Variants in DNM1L observed in about 807,000 individuals in gnomAD.
The protein encoded by DNM1L is dynamin 1L, also known as dynamin-1-like protein.
In DNM1L, 33 loss-of-function variants were observed where a neutral mutation model predicts 92.8. The ratio of observed to expected loss-of-function variants is 0.36; its 90% CI spans 0.27 to 0.48. DNM1L has a LOEUF of 0.48. Among genes scored for constraint, DNM1L ranks in the 20% least tolerant of loss-of-function variants. DNM1L has a pLI of 0.99. For missense variants in DNM1L, 485 were observed against 888.8 expected (o/e 0.55, Z 5.78); for synonymous variants, 284 against 305.0 (o/e 0.93, Z 0.72).
At position 32,744,739 on chromosome 12, in the gene DNM1L, A is replaced by G. The variant is rs1162958757; in HGVS notation, c.*1329A>G. The G allele has an allele frequency of 1.3e-5, 5 of 383,000 alleles. No homozygotes were observed. Among genetic ancestry groups the G allele is most frequent in the Non-Finnish European group, 2.5e-5 (5 of 199,684 alleles). 23.7% of individuals were successfully genotyped at this position (383,000 alleles called of 1,614,324 possible). On this transcript the variant is annotated 3_prime_UTR_variant, in exon 20 of 20. Coordinates refer to ENST00000549701, the MANE Select transcript of DNM1L (RefSeq NM_012062.5). ...AAAAAAAAAAAATAAAACAACACCC[A>G]GATAGATACACATACTCCTTCAGAC...
At chr12:32,708,313 A>G in intron 4 of DNM1L, 89 bp downstream of exon 4, 1 of 852,442 alleles carries the variant, frequency 1.2e-6, no homozygotes, top group Non-Finnish European at 1.9e-6. Flanking sequence ...GGCATTGTAA[A>G]TTCCTACTCT....
At chr12:32,712,558 G>T (rs1299241055) in intron 5 of DNM1L, among the ~76,000 whole-genome samples, 1 of 144,944 alleles carries the variant, frequency 6.9e-6, no homozygotes, top group African/African-American at 2.6e-5. Flanking sequence ...GCTGAGGCAG[G>T]AGGATCATTT....
chr12:32,731,318 T>A lies in DNM1L; in HGVS notation c.1201-38T>A, dbSNP rs529114359. The A allele has an allele frequency of 6.2e-7, 1 of 1,612,418 alleles. No homozygotes were observed. Among genetic ancestry groups the A allele is most frequent in the East Asian group, 2.2e-5 (1 of 44,870 alleles). On this transcript the variant is annotated intron_variant, in intron 10 of 19. Coordinates refer to ENST00000549701, the MANE Select transcript of DNM1L (RefSeq NM_012062.5). This position sits in a 1 kb window ranked among gnomAD's most constrained non-coding sequence, Gnocchi z 5.1. ...CTTAACCCTTGGGAAGAACTGAAAT[T>A]ACATATATAATAAGAGTTCTAAGTT...
At chr12:32,705,813 C>CT (rs754452301) in intron 2 of DNM1L, 1 of 1,597,266 alleles carries the variant, frequency 6.3e-7, no homozygotes, top group Non-Finnish European at 8.5e-7. Flanking sequence ...TGCTGTTTCT[C>CT]TTTAACTACA....
At chr12:32,727,539 C>A (rs554777312) in intron 9 of DNM1L, 43 of 558,478 alleles carry the variant, frequency 7.7e-5, no homozygotes, top group African/African-American at 1.9e-4. Flanking sequence ...GAAAAAAAAA[C>A]CACTCTTAAT....
chr12:32,715,735 A>G (rs933585128), intron 6 of DNM1L, among the ~76,000 whole-genome samples: 3 of 152,140 alleles, frequency 2.0e-5, no homozygotes, highest in Admixed American at 6.5e-5. Context: ...GTCTCAAAAA[A>G]AAAGAAAAAT....
At chr12:32,693,676 T>G (rs745950411) in intron 1 of DNM1L, among the ~76,000 whole-genome samples, 2 of 152,190 alleles carry the variant, frequency 1.3e-5, no homozygotes, top group Admixed American at 6.5e-5. Context: ...CTCACTCTCT[T>G]GCCCAGGCTG....
In DNM1L at chr12:32,702,212, C is replaced by T. The variant is rs1312195531; in HGVS notation, c.250+650C>T. ...TCACGCCACTGCACTCCAGCCTAGG[C>T]GACAGAGTGAGACTCCGTCTCAAAA... On this transcript the variant is annotated intron_variant, in intron 2 of 19. Coordinates refer to ENST00000549701, the MANE Select transcript of DNM1L (RefSeq NM_012062.5). 1.2e-4 allele frequency among the ~76,000 whole-genome samples: 15 copies of T among 125,702 alleles called. No homozygotes were observed. The East Asian group carries it at 2.4e-3, about 20-fold the overall frequency. 82.5% of individuals were successfully genotyped at this position (125,702 alleles called of 152,430 possible).
Position 32,731,325 on chromosome 12 carries a change from A to G in DNM1L, c.1201-31A>G. On this transcript the variant is annotated intron_variant, in intron 10 of 19. Coordinates refer to ENST00000549701, the MANE Select transcript of DNM1L (RefSeq NM_012062.5). This position sits in a 1 kb window ranked among gnomAD's most constrained non-coding sequence, Gnocchi z 5.1. ...CTTGGGAAGAACTGAAATTACATAT[A>G]TAATAAGAGTTCTAAGTTTTATTTT... 6.2e-7 allele frequency: 1 copy of G among 1,613,472 alleles called. No homozygotes were observed. Among genetic ancestry groups the G allele is most frequent in the Non-Finnish European group, 8.5e-7 (1 of 1,179,570 alleles).
intron 1 of DNM1L, among the ~76,000 whole-genome samples, chr12:32,699,091 A>T (rs1952590362): frequency 6.6e-6 from 1 of 152,128 alleles, no homozygotes; most frequent in East Asian, 1.9e-4. Flanking sequence ...TGTTCTTAGG[A>T]GATGCATGCC....
intron 13 of DNM1L, among the ~76,000 whole-genome samples, chr12:32,736,474 G>T (rs1005945207): frequency 5.3e-5 from 8 of 152,116 alleles, no homozygotes; most frequent in African/African-American, 1.9e-4. Context: ...AAGTTACTTT[G>T]ATAATATTAG....
At chr12:32,729,703 G>A (rs960824674) in intron 9 of DNM1L, among the ~76,000 whole-genome samples, 1 of 152,072 alleles carries the variant, frequency 6.6e-6, no homozygotes. Flanking sequence ...CAGGTGATCT[G>A]CCCACCTCAG....
At chr12:32,727,371 C>T (rs1954219391) in intron 9 of DNM1L, 1 of 779,542 alleles carries the variant, frequency 1.3e-6, no homozygotes, top group African/African-American at 1.7e-5. Context: ...CAATGTCTGC[C>T]ATGTTGTAAG....
At chr12:32,735,344 G>A (rs1954799100) in intron 13 of DNM1L, among the ~76,000 whole-genome samples, 1 of 152,176 alleles carries the variant, frequency 6.6e-6, no homozygotes. Context: ...CTCCACATCT[G>A]CTGGGGTCCA....
At chr12:32,737,587 C>G (rs1242998292) in intron 14 of DNM1L, 1 of 441,422 alleles carries the variant, frequency 2.3e-6, no homozygotes, top group Admixed American at 3.8e-5. Flanking sequence ...AATCTTTTAC[C>G]TTGAATTCTT....
chr12:32,713,103 T>C lies in DNM1L; in HGVS notation c.457-106T>C. The C allele has an allele frequency of 2.7e-6, 3 of 1,094,866 alleles. No homozygotes were observed. The South Asian group carries it at 4.6e-5, about 17-fold the overall frequency. 67.8% of individuals were successfully genotyped at this position (1,094,866 alleles called of 1,614,324 possible). A position where few individuals can be genotyped will look rare whatever the true frequency, so the allele number is the denominator to read the frequency against. The stretch of plus-strand genomic sequence containing the variant: ...ATTAGTAATGTCTTTATTTTTATTT[T>C]AACTATTTTTAAATGGATATACCTA... On this transcript the variant is annotated intron_variant, in intron 5 of 19. Coordinates refer to ENST00000549701, the MANE Select transcript of DNM1L (RefSeq NM_012062.5).
intron 6 of DNM1L, among the ~76,000 whole-genome samples, chr12:32,717,134 ATG>A (rs2137399287): frequency 7.9e-6 from 1 of 126,484 alleles, no homozygotes; most frequent in South Asian, 2.2e-4. Context: ...ATATATACCT[ATG>A]TATATATATT....
intron 6 of DNM1L, among the ~76,000 whole-genome samples, chr12:32,717,276 T>G (rs112370165): frequency 9.0e-5 from 9 of 100,460 alleles, no homozygotes; most frequent in African/African-American, 3.4e-4. Flanking sequence ...ATACTATATA[T>G]TATATATACA....
chr12:32,728,485 GTACA>G (rs1371714097), intron 9 of DNM1L: 5 of 152,136 alleles, frequency 3.3e-5, no homozygotes, highest in Admixed American at 2.6e-4. Context: ...ATTCAGAAAA[GTACA>G]TACAGTGTAT....
Sources: gnomAD v4.1 joint callset for allele counts (sites outside exome capture counted in the v4.1 genomes callset) on GRCh38, gnomAD v4.1.1 for gene constraint, Gnocchi (gnomAD v3.1) non-coding constraint, MANE v1.5 for transcripts, NCBI Gene and HGNC (gene_info 2026-07-23, HGNC 2026-07-21) for gene names.